The following MEGF10 variants were observed in gnomAD, a reference collection of about 807,000 sequenced individuals.
MEGF10 encodes multiple epidermal growth factor-like domains protein 10.
Under a neutral mutation model 147.5 loss-of-function variants are expected in MEGF10, and 86 were observed. The observed-to-expected ratio is 0.58, with a 90% confidence interval of 0.49 to 0.70. The LOEUF is 0.70. Ranked by LOEUF, MEGF10 falls within the 30% of genes least tolerant of loss-of-function variation. The pLI, the probability that MEGF10 is intolerant of heterozygous loss-of-function variation, is 0.00. For missense variants in MEGF10, 1,329 were observed against 1,487.3 expected (o/e 0.89, Z 1.75); for synonymous variants, 478 against 525.5 (o/e 0.91, Z 1.24).
At chr5:127,381,638 T>C (rs1275580418) in intron 5 of MEGF10, among the ~76,000 whole-genome samples, 1 of 152,180 alleles carries the variant, frequency 6.6e-6, no homozygotes, top group Admixed American at 6.5e-5. Flanking sequence ...TGTAGTTTAT[T>C]TTATTGTGTT....
chr5:127,336,585 T>A (rs1346857656), intron 2 of MEGF10, among the ~76,000 whole-genome samples: 3 of 152,094 alleles, frequency 2.0e-5, no homozygotes, highest in African/African-American at 7.2e-5. Context: ...CTTATGGAAT[T>A]GGTTCTTCCA....
the MEGF10 span, among the ~76,000 whole-genome samples, chr5:127,256,140 G>A: frequency 6.6e-6 from 1 of 152,054 alleles, no homozygotes; most frequent in African/African-American, 2.4e-5. Flanking sequence ...ACTGTACCTG[G>A]TATTGTGTTT....
chr5:127,371,418 C>T (rs1194228201), intron 5 of MEGF10, among the ~76,000 whole-genome samples: 2 of 152,138 alleles, frequency 1.3e-5, no homozygotes, highest in African/African-American at 4.8e-5. Flanking sequence ...CGACTGACCT[C>T]AAATGTGATG....
intron 5 of MEGF10, among the ~76,000 whole-genome samples, chr5:127,380,270 A>C (rs1242970800): frequency 6.6e-6 from 1 of 152,166 alleles, no homozygotes; most frequent in Non-Finnish European, 1.5e-5. Context: ...TAAAAATGAG[A>C]CATGAGAGAT....
the MEGF10 span, among the ~76,000 whole-genome samples, chr5:127,232,630 G>A: frequency 6.6e-6 from 1 of 152,112 alleles, no homozygotes; most frequent in Non-Finnish European, 1.5e-5. Flanking sequence ...AAGTAGTACA[G>A]GGTAAATGTC....
chr5:127,410,695 A>C (rs1399703530), intron 9 of MEGF10, 94 bp downstream of exon 9: 9 of 1,179,592 alleles, frequency 7.6e-6, no homozygotes, highest in Non-Finnish European at 9.6e-6. Flanking sequence ...AGTGATTCTC[A>C]CCCCAAGCCC....
intron 13 of MEGF10, among the ~76,000 whole-genome samples, chr5:127,429,848 G>A (rs1342909433): frequency 6.6e-6 from 1 of 152,056 alleles, no homozygotes; most frequent in Non-Finnish European, 1.5e-5. Context: ...CACAAATTTA[G>A]TTGTGCCCCT....
chr5:127,419,750 C>T (rs1404013461), intron 11 of MEGF10, among the ~76,000 whole-genome samples: 1 of 152,210 alleles, frequency 6.6e-6, no homozygotes, highest in East Asian at 1.9e-4. Context: ...CCACAGTGTG[C>T]ATCACTGCCC....
chr5:127,373,024 T>C (rs533266564), intron 5 of MEGF10, among the ~76,000 whole-genome samples: 6 of 152,378 alleles, frequency 3.9e-5, no homozygotes, highest in African/African-American at 1.4e-4. Context: ...CTTCTTCTCC[T>C]GCATTTATTC....
chr5:127,244,768 A>C, the MEGF10 span, among the ~76,000 whole-genome samples: 1 of 152,238 alleles, frequency 6.6e-6, no homozygotes, highest in Non-Finnish European at 1.5e-5. Context: ...GTCAAAATGC[A>C]AGGCAAATCA....
At chr5:127,378,386 G>T (rs1353566082) in intron 5 of MEGF10, among the ~76,000 whole-genome samples, 2 of 152,142 alleles carry the variant, frequency 1.3e-5, no homozygotes, top group Non-Finnish European at 2.9e-5. Context: ...CCAGTCTTTT[G>T]ACTGAACAGA....
intron 5 of MEGF10, among the ~76,000 whole-genome samples, chr5:127,391,095 C>CGT (rs1561614619): frequency 2.6e-4 from 8 of 30,406 alleles, no homozygotes; most frequent in African/African-American, 4.9e-4. Flanking sequence ...CATGCGCGCG[C>CGT]GCGCGCGCAC....
intron 8 of MEGF10, among the ~76,000 whole-genome samples, chr5:127,405,792 A>G (rs1406753528): frequency 6.6e-6 from 1 of 152,038 alleles, no homozygotes; most frequent in Non-Finnish European, 1.5e-5. Flanking sequence ...TTTTTTAATT[A>G]AAAATTTTGT....
At chr5:127,409,768 C>G (rs923392168) in intron 8 of MEGF10, 6 of 153,434 alleles carry the variant, frequency 3.9e-5, no homozygotes, top group African/African-American at 1.4e-4. Flanking sequence ...CAGGCACTTC[C>G]CATGTTGGAA....
At chr5:127,241,660 T>A in the MEGF10 span, among the ~76,000 whole-genome samples, 5 of 152,166 alleles carry the variant, frequency 3.3e-5, no homozygotes, top group Non-Finnish European at 5.9e-5. Flanking sequence ...GCAAAAGTAA[T>A]TGTGGTTTTA....
intron 5 of MEGF10, among the ~76,000 whole-genome samples, chr5:127,373,132 C>T (rs1458627613): frequency 1.3e-5 from 2 of 152,076 alleles, no homozygotes; most frequent in Non-Finnish European, 2.9e-5. Flanking sequence ...CCAGGTCATT[C>T]CAGCTTTGGC....
intron 5 of MEGF10, 41 bp from the exon 6 acceptor site, chr5:127,396,491 C>T (rs1763917278): frequency 2.7e-6 from 4 of 1,499,794 alleles, no homozygotes; most frequent in Non-Finnish European, 3.6e-6. Context: ...TCTGGTTCTC[C>T]CTTACCCACT....
intron 8 of MEGF10, among the ~76,000 whole-genome samples, chr5:127,409,234 G>A (rs1764457373): frequency 6.6e-6 from 1 of 152,212 alleles, no homozygotes; most frequent in African/African-American, 2.4e-5. Flanking sequence ...AAGTGTGCTT[G>A]AATTTGTTAT....
intron 5 of MEGF10, among the ~76,000 whole-genome samples, chr5:127,387,360 C>T (rs1763471448): frequency 6.6e-6 from 1 of 152,020 alleles, no homozygotes; most frequent in African/African-American, 2.4e-5. Flanking sequence ...TTGTCAATAC[C>T]TGTGTGATTA....
Sources: gnomAD v4.1 joint callset for allele counts (sites outside exome capture counted in the v4.1 genomes callset) on GRCh38, gnomAD v4.1.1 for gene constraint, MANE v1.5 for transcripts, NCBI Gene and HGNC (gene_info 2026-07-23, HGNC 2026-07-21) for gene names.